PEX19: variants seen among roughly 807,000 people sequenced by gnomAD.
PEX19 encodes the protein peroxisomal biogenesis factor 19.
PEX19 carries 29 observed loss-of-function variants against 36.3 expected under a neutral mutation model. The ratio of observed to expected loss-of-function variants is 0.80; its 90% confidence interval spans 0.60 to 1.09. The LOEUF (loss-of-function observed/expected upper bound fraction) is 1.09, where lower values mean the gene tolerates loss of function less well. Ranked by LOEUF, PEX19 falls within the 50% of genes least tolerant of loss-of-function variation. The pLI, the probability that PEX19 is intolerant of heterozygous loss-of-function variation, is 0.00. For synonymous variants in PEX19, 141 were observed against 135.2 expected, an observed-to-expected ratio of 1.04 and a Z score of -0.30; for missense variants, 396 against 368.1, an observed-to-expected ratio of 1.08 and a Z score of -0.62.
Position 160,279,281 on chromosome 1 carries a change from T to A in PEX19, c.*270A>T, listed in dbSNP as rs1657661671. The A allele has an allele frequency of 1.6e-6, 1 of 636,356 alleles. No homozygotes were observed. The highest frequency in any genetic ancestry group is 2.9e-6 in the Non-Finnish European group (1 of 344,894). The allele number at this position is 636,356 out of a possible 1,614,324, so 39.4% of individuals were successfully genotyped here. A position where few individuals can be genotyped will look rare whatever the true frequency, so the allele number is the denominator to read the frequency against. Reference sequence around the variant, plus strand: ...AAGAAAGTGCATGCCCCAAAAGGGATGCCTTCCTTCACCTTGCAGGTAGCT... The same window carrying A: ...AAGAAAGTGCATGCCCCAAAAGGGAAGCCTTCCTTCACCTTGCAGGTAGCT... On this transcript the variant is annotated 3_prime_UTR_variant, in exon 8 of 8. Transcript: ENST00000368072.
rs751979135 is a variant in PEX19, at chr1:160,277,199, C to CTTT, written c.*2349_*2351dup. On this transcript the variant is annotated 3_prime_UTR_variant, in exon 8 of 8. Coordinates refer to ENST00000368072, the MANE Select transcript of PEX19 (RefSeq NM_002857.4). ...CAGACTTGTGCTGGTCAGTGAACAC[C>CTTT]TTTTTTTTTTTTTCACCAGTCTGTG... 1.1e-5 allele frequency: 5 copies of CTTT among 436,406 alleles called. No homozygotes were observed. The highest frequency in any genetic ancestry group is 2.5e-5 in the Admixed American group (1 of 39,910). 27.0% of individuals were successfully genotyped at this position (436,406 alleles called of 1,614,324 possible). A position where few individuals can be genotyped will look rare whatever the true frequency, so the allele number is the denominator to read the frequency against.
Position 160,279,651 on chromosome 1 carries a change from G to A in PEX19, c.817-17C>T, listed in dbSNP as rs762001564. The A allele has an allele frequency of 6.2e-7, 1 of 1,608,358 alleles. No individual in the cohort carries two copies. The highest frequency in any genetic ancestry group is 2.2e-5 in the East Asian group (1 of 44,854). ...GCCAGGAGGCTGGGGAAGAGATGAA[G>A]GGACTCAGATAGTTGCTCATTTTTT... On this transcript the variant is annotated splice_polypyrimidine_tract_variant and intron_variant, in intron 7 of 7. Coordinates refer to ENST00000368072, the MANE Select transcript of PEX19 (RefSeq NM_002857.4).
At chr1:160,283,673 C>T in intron 1 of PEX19, 34 bp from the exon 2 acceptor site, 3 of 1,510,856 alleles carry the variant, frequency 2.0e-6, no homozygotes, top group Admixed American at 1.7e-5. Context: ...TGTGTGTTGG[C>T]GACAGATGAG....
In PEX19 at chr1:160,277,339, G is replaced by A. The variant is rs1156932932; in HGVS notation, c.*2212C>T. Reference sequence around the variant, plus strand: ...CCTACAGAACAGTCTGGCCAGTTTGGGTGCTGTCAAACTTGCCGGGTCGGC... The same window carrying A: ...CCTACAGAACAGTCTGGCCAGTTTGAGTGCTGTCAAACTTGCCGGGTCGGC... On this transcript the variant is annotated 3_prime_UTR_variant, in exon 8 of 8. Transcript: ENST00000368072. 2.2e-6 allele frequency: 1 copy of A among 456,070 alleles called. No homozygotes were observed. Among genetic ancestry groups the A allele is most frequent in the Admixed American group, 2.3e-5 (1 of 42,582 alleles). 28.3% of individuals were successfully genotyped at this position (456,070 alleles called of 1,614,324 possible).
intron 3 of PEX19, 71 bp from the exon 4 acceptor site, chr1:160,282,573 C>G (rs1313981969): frequency 1.1e-5 from 13 of 1,160,476 alleles, no homozygotes; most frequent in Non-Finnish European, 1.7e-5. Context: ...TGGTTAACAG[C>G]TTGGATATGA....
In PEX19 at chr1:160,277,362, G is replaced by A. The variant is rs1412847501; in HGVS notation, c.*2189C>T. 4.4e-6 allele frequency: 2 copies of A among 455,952 alleles called. No individual in the cohort carries two copies. The highest frequency in any genetic ancestry group is 1.5e-5 in the South Asian group (1 of 64,572). The allele number at this position is 455,952 out of a possible 1,614,324, so 28.2% of individuals were successfully genotyped here. On this transcript the variant is annotated 3_prime_UTR_variant, in exon 8 of 8. Transcript: ENST00000368072. ...TGGGTGCTGTCAAACTTGCCGGGTC[G>A]GCAGCACACAGTGTGAACTCCATAC... is the stretch of plus-strand genomic sequence containing the variant.
chr1:160,281,816 C>T (rs1383786181), intron 5 of PEX19, among the ~76,000 whole-genome samples: 1 of 152,142 alleles, frequency 6.6e-6, no homozygotes, highest in Non-Finnish European at 1.5e-5. Flanking sequence ...CTCTTAGACC[C>T]CAAACGTTAT....
chr1:160,283,290 G>C (rs1197969087), intron 2 of PEX19, among the ~76,000 whole-genome samples, 181 bp from the exon 3 acceptor site: 1 of 152,090 alleles, frequency 6.6e-6, no homozygotes, highest in African/African-American at 2.4e-5. Context: ...ATTGAAGGAG[G>C]GTATGGGATG....
At chr1:160,285,002 G>T in intron 1 of PEX19, 53 bp downstream of exon 1, 1 of 1,301,972 alleles carries the variant, frequency 7.7e-7, no homozygotes, top group Non-Finnish European at 1.1e-6. Flanking sequence ...TTAACCCCCA[G>T]AATGGGTCCT....
intron 5 of PEX19, among the ~76,000 whole-genome samples, chr1:160,281,600 T>C (rs1324713215): frequency 5.9e-5 from 9 of 152,154 alleles, no homozygotes; most frequent in Admixed American, 5.9e-4. Context: ...CAGACGGGGT[T>C]TCACCATGTT....
In PEX19 at chr1:160,276,824, T is replaced by C. The variant is rs1055411009; in HGVS notation, c.*2727A>G. 4 of 378,942 alleles carry C rather than the reference T, an allele frequency of 1.1e-5. No homozygotes were observed. The highest frequency in any genetic ancestry group is 6.7e-5 in the Admixed American group (2 of 29,982). 23.5% of individuals were successfully genotyped at this position (378,942 alleles called of 1,614,324 possible). On this transcript the variant is annotated 3_prime_UTR_variant, in exon 8 of 8. Transcript: ENST00000368072. ...GGAAAATGTCCCAATTATCAAAAAGTCTGTATTAATTCAATTCTTAATTCA... is the reference window on the plus strand; with the variant it reads ...GGAAAATGTCCCAATTATCAAAAAGCCTGTATTAATTCAATTCTTAATTCA...
intron 5 of PEX19, among the ~76,000 whole-genome samples, chr1:160,280,920 G>A (rs1657749041): frequency 6.6e-6 from 1 of 152,156 alleles, no homozygotes. Context: ...TTGGCCTGCT[G>A]ACTCGTGGTC....
Position 160,279,132 on chromosome 1 carries a change from C to G in PEX19, c.*419G>C, listed in dbSNP as rs1204194301. The G allele has an allele frequency of 4.4e-6, 2 of 452,608 alleles. No individual in the cohort carries two copies. The highest frequency in any genetic ancestry group is 8.8e-6 in the Non-Finnish European group (2 of 226,486). The allele number at this position is 452,608 out of a possible 1,614,324, so 28.0% of individuals were successfully genotyped here. A position where few individuals can be genotyped will look rare whatever the true frequency, so the allele number is the denominator to read the frequency against. Reference sequence around the variant, plus strand: ...CTCTGCCAGGAGAACTATAGAAATACAGAGTCCCAGGTCTCTGCCCCTCCT... The same window carrying G: ...CTCTGCCAGGAGAACTATAGAAATAGAGAGTCCCAGGTCTCTGCCCCTCCT... On this transcript the variant is annotated 3_prime_UTR_variant, in exon 8 of 8. Coordinates refer to ENST00000368072, the MANE Select transcript of PEX19 (RefSeq NM_002857.4).
chr1:160,285,090 GC>G lies in PEX19; in HGVS notation c.34del (p.Ala12ProfsTer80). ...CTCCTCCAATTCCCTGTCCGCTTCG[GC>G]CCCGACACTACAGCCTTCCTCAGCG... Reference protein sequence around the residue: ...AAAEEGCSVGAEADRELEELL... With the variant: ...AAAEEGCSVGXEADRELEELL... On this transcript the variant is annotated frameshift_variant, in exon 1 of 8. Transcript: ENST00000368072. LOFTEE classifies it high-confidence loss of function. The G allele has an allele frequency of 6.2e-7, 1 of 1,613,882 alleles. No homozygotes were observed. Among genetic ancestry groups the G allele is most frequent in the Non-Finnish European group, 8.5e-7 (1 of 1,179,810 alleles).
chr1:160,276,988 A>G lies in PEX19; in HGVS notation c.*2563T>C, dbSNP rs1657561750. ...AGCTTTGTAACGATTATTTTTGAGC[A>G]GCAGAAAAGGAAGGCTAGAGAAATG... On this transcript the variant is annotated 3_prime_UTR_variant, in exon 8 of 8. Coordinates refer to ENST00000368072, the MANE Select transcript of PEX19 (RefSeq NM_002857.4). The G allele has an allele frequency of 2.2e-6, 1 of 454,034 alleles. No individual in the cohort carries two copies. Among genetic ancestry groups the G allele is most frequent in the South Asian group, 1.6e-5 (1 of 64,486 alleles). The allele number at this position is 454,034 out of a possible 1,614,324, so 28.1% of individuals were successfully genotyped here.
Position 160,285,058 on chromosome 1 carries a change from C to G in PEX19, c.67G>C (p.Glu23Gln). 1.9e-6 allele frequency: 3 copies of G among 1,612,566 alleles called. No individual in the cohort carries two copies. Among genetic ancestry groups the G allele is most frequent in the Non-Finnish European group, 2.5e-6 (3 of 1,178,526 alleles). ...CTTTCCCACTATGGGCTCTTACTTT[C>G]CAGAAGCTCCTCCAATTCCCTGTCC... is the stretch of plus-strand genomic sequence containing the variant. ...EADRELEELL[E>Q]SALDDFDKAK... The change falls in exon 1 of 8, where the codon GAA (glutamate) becomes CAA (glutamine). Residue 23 changes from glutamate (E) to glutamine (Q), a missense_variant. Physicochemically the swap from Glu to Gln is conservative, Grantham distance 29. Coordinates refer to ENST00000368072, the MANE Select transcript of PEX19 (RefSeq NM_002857.4).
rs1309999525 is a variant in PEX19, at chr1:160,281,967, T to C, written c.594+72A>G. 3 of 1,311,984 alleles carry C rather than the reference T, an allele frequency of 2.3e-6. No homozygotes were observed. In the South Asian group the frequency reaches 3.6e-5, roughly 16 times the overall value. 81.3% of individuals were successfully genotyped at this position (1,311,984 alleles called of 1,614,324 possible). ...AGTTACTCTTTCTGCAGGCTCTGAG[T>C]AGACAAAATAGCCCACATCAGTTGA... On this transcript the variant is annotated intron_variant, in intron 5 of 7. Coordinates refer to ENST00000368072, the MANE Select transcript of PEX19 (RefSeq NM_002857.4).
At chr1:160,280,881 TAG>T (rs372116757) in intron 5 of PEX19, among the ~76,000 whole-genome samples, 3 of 152,170 alleles carry the variant, frequency 2.0e-5, no homozygotes, top group Admixed American at 6.5e-5. Context: ...CATTATTTGC[TAG>T]AGAGTTGGAT....
Position 160,278,129 on chromosome 1 carries a change from A to C in PEX19, c.*1422T>G, listed in dbSNP as rs1175714212. 1.4e-6 allele frequency: 1 copy of C among 702,478 alleles called. No homozygotes were observed. Among genetic ancestry groups the C allele is most frequent in the Non-Finnish European group, 2.6e-6 (1 of 385,000 alleles). 43.5% of individuals were successfully genotyped at this position (702,478 alleles called of 1,614,324 possible). On this transcript the variant is annotated 3_prime_UTR_variant, in exon 8 of 8. Transcript: ENST00000368072. ...GCCAGCTGAGCTGACCAGAGTACCT[A>C]CCAACATATGTCAGCCAAGGTCCGT...
Sources: gnomAD v4.1 joint callset for allele counts (sites outside exome capture counted in the v4.1 genomes callset) on GRCh38, gnomAD v4.1.1 for gene constraint, MANE v1.5 for transcripts, NCBI Gene and HGNC (gene_info 2026-07-23, HGNC 2026-07-21) for gene names.